BAIAP3: variants seen among roughly 807,000 people sequenced by gnomAD.
BAIAP3 encodes the protein BAI1-associated protein 3.
Under a neutral mutation model 149.7 loss-of-function variants are expected in BAIAP3, and 180 were observed. The observed-to-expected ratio is 1.20, with a 90% CI of 1.07 to 1.36. BAIAP3 has a LOEUF of 1.36. Ranked by LOEUF, BAIAP3 falls within the 40% of genes most tolerant of loss-of-function variation. The pLI is 0.00. For synonymous variants in BAIAP3, 845 were observed against 670.7 expected, an observed-to-expected ratio of 1.26 and a Z score of -4.02; for missense variants, 1,767 against 1,563.4, an observed-to-expected ratio of 1.13 and a Z score of -2.20.
In BAIAP3 at chr16:1,342,044, G is replaced by A. The variant is rs746481172; in HGVS notation, c.835G>A (p.Gly279Ser). The change falls in exon 10 of 34, where the codon GGC becomes AGC. Residue 279 changes from glycine (G) to serine (S), a missense_variant. Gly to Ser is a moderately conservative substitution (Grantham distance 56). Transcript: ENST00000426824. ...EACRKLNEVI[G>S]LKGMGRYFKQ... ...GTGCAGGAAGCTGAATGAAGTCATC[G>A]GCCTGAAGGGCATGGGCAGGTATGA... 9.3e-6 allele frequency: 15 copies of A among 1,606,440 alleles called. No homozygotes were observed. Among genetic ancestry groups the A allele is most frequent in the South Asian group, 8.9e-5 (8 of 90,110 alleles).
rs373978231 is a variant in BAIAP3 at position 1,344,012 on chromosome 16, G to T, written c.1387-10G>T. 7 of 1,611,792 alleles carry T rather than the reference G, an allele frequency of 4.3e-6. No individual in the cohort carries two copies. The African/African-American group carries it at 6.7e-5, about 15-fold the overall frequency. ...GGGGCTGCTGGCACTGAAGGGCCCT[G>T]TCCCCACAGGAGGAGAGCCTGGCTG... is the stretch of plus-strand genomic sequence containing the variant. On this transcript the variant is annotated splice_polypyrimidine_tract_variant and intron_variant, in intron 15 of 33. Transcript: ENST00000426824.
Position 1,342,053 on chromosome 16 carries a change from G to A in BAIAP3, c.844G>A (p.Gly282Ser), listed in dbSNP as rs2033958960. 12 of 1,605,362 alleles carry A rather than the reference G, an allele frequency of 7.5e-6. No homozygotes were observed. The highest frequency in any genetic ancestry group is 1.1e-5 in the South Asian group (1 of 89,952). ...GCTGAATGAAGTCATCGGCCTGAAG[G>A]GCATGGGCAGGTATGACTGCTGGGA... ...RKLNEVIGLK[G>S]MGRYFKQIVK... is the part of the protein sequence containing the mutation. Residue 282 changes from glycine (G) to serine (S), a missense_variant, in exon 10 of 34, where the codon GGC becomes AGC. Physicochemically the swap from Gly to Ser is moderately conservative, Grantham distance 56 (BLOSUM62 0). Transcript: ENST00000426824.
rs563519347 is a variant in BAIAP3, at chr16:1,348,618, C to A, written c.*136C>A. 1.8e-4 allele frequency: 153 copies of A among 832,078 alleles called. No homozygotes were observed. The African/African-American group carries it at 2.5e-3, about 13-fold the overall frequency. 51.5% of individuals were successfully genotyped at this position (832,078 alleles called of 1,614,324 possible). ...GCTGTGACGTGTGTGTCGTGGCTGG[C>A]CCCGCGGCGCCTACCGCCCTGGCCG... is the stretch of plus-strand genomic sequence containing the variant. On this transcript the variant is annotated 3_prime_UTR_variant, in exon 34 of 34. Coordinates refer to ENST00000426824, the MANE Select transcript of BAIAP3 (RefSeq NM_001199097.2).
rs756573379 is a variant in BAIAP3 at position 1,344,320 on chromosome 16, GT to G, written c.1602+4del. ...TGGACATTGCTGCGGCCCTGAAGGT[GT>G]GTTCCAAAGCCCAGTGGAGGCCGGC... On this transcript the variant is annotated splice_donor_region_variant and intron_variant, in intron 17 of 33. Coordinates refer to ENST00000426824, the MANE Select transcript of BAIAP3 (RefSeq NM_001199097.2). 3.2e-5 allele frequency: 51 copies of G among 1,613,678 alleles called. No homozygotes were observed. Among genetic ancestry groups the G allele is most frequent in the Non-Finnish European group, 3.8e-5 (45 of 1,179,986 alleles).
At chr16:1,336,097 T>C in intron 1 of BAIAP3, 1 of 519,172 alleles carries the variant, frequency 1.9e-6, no homozygotes, top group Non-Finnish European at 2.5e-6. Flanking sequence ...ACTTGGCTCC[T>C]GCGTCACATT....
intron 29 of BAIAP3, 42 bp downstream of exon 29, chr16:1,347,411 G>A (rs2034452770): frequency 6.2e-7 from 1 of 1,607,066 alleles, no homozygotes; most frequent in Non-Finnish European, 8.5e-7. Flanking sequence ...TGGATGAGGG[G>A]ACTGAGTTCA....
chr16:1,339,304 T>C, intron 4 of BAIAP3, 60 bp downstream of exon 4: 2 of 1,538,384 alleles, frequency 1.3e-6, no homozygotes, highest in South Asian at 1.2e-5. Flanking sequence ...CTCAGCCGTT[T>C]AGAGGCACCT....
chr16:1,346,808 A>C, intron 27 of BAIAP3, 39 bp from the exon 28 acceptor site: 1 of 866,208 alleles, frequency 1.2e-6, no homozygotes, highest in Non-Finnish European at 1.7e-6. Context: ...CCAGCGGGGC[A>C]GGTGGGGCTG....
At chr16:1,343,542 C>A (rs371151567) in intron 15 of BAIAP3, 29 bp downstream of exon 15, 2 of 1,602,244 alleles carry the variant, frequency 1.2e-6, no homozygotes, top group Non-Finnish European at 1.7e-6. Context: ...TTCTTGCCAG[C>A]CATGGCGAAG....
intron 5 of BAIAP3, among the ~76,000 whole-genome samples, chr16:1,339,813 ACACACACACAGGC>A (rs2141575957): frequency 1.5e-5 from 2 of 134,674 alleles, no homozygotes; most frequent in African/African-American, 6.1e-5. Flanking sequence ...GTGCACACAG[ACACACACACAGGC>A]TGCAGGTGCA....
intron 5 of BAIAP3, among the ~76,000 whole-genome samples, chr16:1,340,680 C>A (rs779740515): frequency 6.6e-6 from 1 of 152,242 alleles, no homozygotes; most frequent in Non-Finnish European, 1.5e-5. Flanking sequence ...ACTCCCCTGT[C>A]CTCCCGTGGC....
At chr16:1,337,954 A>G (rs2033582748) in intron 1 of BAIAP3, among the ~76,000 whole-genome samples, 1 of 152,132 alleles carries the variant, frequency 6.6e-6, no homozygotes, top group African/African-American at 2.4e-5. Context: ...GTGCTTGGTG[A>G]GCGAGGACCC....
intron 1 of BAIAP3, among the ~76,000 whole-genome samples, chr16:1,337,175 C>T (rs916259958): frequency 1.3e-5 from 2 of 152,154 alleles, no homozygotes; most frequent in Admixed American, 6.5e-5. Context: ...ATCATCCTAC[C>T]CCTGTTGAAG....
At chr16:1,334,720 C>T in intron 1 of BAIAP3, 1 of 1,555,968 alleles carries the variant, frequency 6.4e-7, no homozygotes, top group African/African-American at 1.4e-5. Flanking sequence ...CACCTGGGCA[C>T]CGCCATCGGC....
chr16:1,349,323 C>G lies in BAIAP3; in HGVS notation c.*841C>G. ...GCTGGAAGTGTGGGGAGAACCCGGA[C>G]AGCTCAGTCCTGCCAGCAGCCGCAA... is the stretch of plus-strand genomic sequence containing the variant. On this transcript the variant is annotated 3_prime_UTR_variant, in exon 34 of 34. Coordinates refer to ENST00000426824, the MANE Select transcript of BAIAP3 (RefSeq NM_001199097.2). The G allele has an allele frequency of 8.5e-7, 1 of 1,182,842 alleles. No individual in the cohort carries two copies. Among genetic ancestry groups the G allele is most frequent in the South Asian group, 1.2e-5 (1 of 80,572 alleles). 73.3% of individuals were successfully genotyped at this position (1,182,842 alleles called of 1,614,324 possible). A position where few individuals can be genotyped will look rare whatever the true frequency, so the allele number is the denominator to read the frequency against.
At chr16:1,339,377 C>A in intron 4 of BAIAP3, 119 bp from the exon 5 acceptor site, 1 of 1,472,372 alleles carries the variant, frequency 6.8e-7, no homozygotes, top group Admixed American at 2.0e-5. Context: ...GAGTGAGGAG[C>A]GGAGGGGCTC....
chr16:1,339,839 C>T (rs1296369692), intron 5 of BAIAP3, among the ~76,000 whole-genome samples: 3 of 135,270 alleles, frequency 2.2e-5, no homozygotes, highest in Non-Finnish European at 4.9e-5. Context: ...CAGGTGCACA[C>T]AGACACACGC....
At chr16:1,346,729 C>T in intron 27 of BAIAP3, 45 bp downstream of exon 27, 1 of 1,524,348 alleles carries the variant, frequency 6.6e-7, no homozygotes, top group Non-Finnish European at 8.8e-7. Context: ...CCCGTGGTCA[C>T]TGAGGCCGCC....
rs1319411736 is a variant in BAIAP3, at chr16:1,349,346, C to T, written c.*864C>T. 6.8e-7 allele frequency: 1 copy of T among 1,469,148 alleles called. No homozygotes were observed. Among genetic ancestry groups the T allele is most frequent in the East Asian group, 2.3e-5 (1 of 44,228 alleles). The allele number at this position is 1,469,148 out of a possible 1,614,324, so 91.0% of individuals were successfully genotyped here. A position where few individuals can be genotyped will look rare whatever the true frequency, so the allele number is the denominator to read the frequency against. Reference sequence around the variant, plus strand: ...GACAGCTCAGTCCTGCCAGCAGCCGCAAAGAGCCGAGGCTGCCAGGCCCAT... The same window carrying T: ...GACAGCTCAGTCCTGCCAGCAGCCGTAAAGAGCCGAGGCTGCCAGGCCCAT... On this transcript the variant is annotated 3_prime_UTR_variant, in exon 34 of 34. Transcript: ENST00000426824.
Sources: gnomAD v4.1 joint callset for allele counts (sites outside exome capture counted in the v4.1 genomes callset) on GRCh38, gnomAD v4.1.1 for gene constraint, MANE v1.5 for transcripts, NCBI Gene and HGNC (gene_info 2026-07-23, HGNC 2026-07-21) for gene names.